PTPRN2: variants seen among roughly 807,000 people sequenced by gnomAD.
PTPRN2 encodes receptor-type tyrosine-protein phosphatase N2.
A neutral mutation model predicts 118.8 loss-of-function variants in PTPRN2; 74 were observed. The observed-to-expected ratio is 0.62, with a 90% CI of 0.52 to 0.76. The LOEUF is 0.76. Ranked by LOEUF, PTPRN2 falls within the 30% of genes least tolerant of loss-of-function variation. The pLI is 0.00. For synonymous variants in PTPRN2, 641 were observed against 608.0 expected, an observed-to-expected ratio of 1.05 and a Z score of -0.80; for missense variants, 1,481 against 1,394.4, an observed-to-expected ratio of 1.06 and a Z score of -0.99.
chr7:157,768,283 CG>C (rs1802602116), intron 12 of PTPRN2, among the ~76,000 whole-genome samples: 2 of 152,224 alleles, frequency 1.3e-5, no homozygotes, highest in African/African-American at 4.8e-5. Context: ...TTACAGTCAA[CG>C]GATCGTCCTC....
intron 4 of PTPRN2, among the ~76,000 whole-genome samples, chr7:158,203,976 T>G (rs1826887520): frequency 7.5e-6 from 1 of 133,982 alleles, no homozygotes; most frequent in African/African-American, 2.8e-5. Flanking sequence ...TCGCAGCCCC[T>G]AACCTCAGTG....
At chr7:158,467,872 T>C (rs1326545720) in intron 2 of PTPRN2, among the ~76,000 whole-genome samples, 1 of 152,200 alleles carries the variant, frequency 6.6e-6, no homozygotes, top group Non-Finnish European at 1.5e-5. Context: ...GAAGGCCCTG[T>C]TGATGTTTCT....
chr7:158,551,364 G>A (rs117032524), intron 1 of PTPRN2, among the ~76,000 whole-genome samples: 6,596 of 152,286 alleles, frequency 0.043, 203 homozygotes, highest in Non-Finnish European at 0.063. Flanking sequence ...TCAGGGTGGG[G>A]CTCTAACACA....
At chr7:157,624,052 A>G (rs1803421477) in intron 14 of PTPRN2, among the ~76,000 whole-genome samples, 1 of 152,210 alleles carries the variant, frequency 6.6e-6, no homozygotes, top group Non-Finnish European at 1.5e-5. Flanking sequence ...AAGCAAAACC[A>G]AAAGGTACCA....
chr7:158,391,420 C>T (rs1037824643), intron 2 of PTPRN2, among the ~76,000 whole-genome samples: 21 of 152,228 alleles, frequency 1.4e-4, no homozygotes, highest in Admixed American at 1.2e-3. Flanking sequence ...ATCTCTCCTT[C>T]GGACGCTGAC....
At chr7:158,171,511 G>A (rs190150020) in intron 5 of PTPRN2, among the ~76,000 whole-genome samples, 342 of 151,724 alleles carry the variant, frequency 2.3e-3, no homozygotes, top group African/African-American at 7.7e-3. Flanking sequence ...ACCAGGCCCA[G>A]CTAACTTTTC....
At chr7:158,070,547 G>A in intron 11 of PTPRN2, among the ~76,000 whole-genome samples, 1 of 131,822 alleles carries the variant, frequency 7.6e-6, no homozygotes, top group East Asian at 2.2e-4. Context: ...CCTGGTGGTG[G>A]AGGTGCCCAT....
At chr7:158,095,379 G>C (rs1177564917) in intron 10 of PTPRN2, among the ~76,000 whole-genome samples, 1 of 151,832 alleles carries the variant, frequency 6.6e-6, no homozygotes, top group Non-Finnish European at 1.5e-5. Context: ...TCTTGGCTTA[G>C]ACATTTTATT....
chr7:157,569,061 G>GGGGGCC, intron 20 of PTPRN2, 95 bp from the exon 21 acceptor site: 1 of 1,199,528 alleles, frequency 8.3e-7, no homozygotes, highest in Admixed American at 1.7e-5. Flanking sequence ...TCCTGCTTAC[G>GGGGGCC]GGGGCCGGCG....
chr7:157,958,513 A>G lies in PTPRN2; in HGVS notation c.1724-59776T>C, dbSNP rs141538487. 3.4e-4 allele frequency among the ~76,000 whole-genome samples: 52 copies of G among 152,356 alleles called. No individual in the cohort carries two copies. In the East Asian group the frequency reaches 0.01, roughly 29 times the overall value. On this transcript the variant is annotated intron_variant, in intron 11 of 22. Transcript: ENST00000389418. The stretch of plus-strand genomic sequence containing the variant: ...AGGTAGAAAATCATAAAGATTTTAC[A>G]CAAGAGATCTGTTAGAACTTAATAG...
chr7:157,828,958 T>C (rs953568207), intron 12 of PTPRN2, among the ~76,000 whole-genome samples: 1 of 152,234 alleles, frequency 6.6e-6, no homozygotes, highest in South Asian at 2.1e-4. Context: ...TCTTTATGCA[T>C]CATGGTTTTT....
intron 2 of PTPRN2, among the ~76,000 whole-genome samples, chr7:158,449,791 G>A (rs192227823): frequency 3.9e-5 from 6 of 152,262 alleles, no homozygotes; most frequent in African/African-American, 7.2e-5. Context: ...ATTCACAATC[G>A]CATAATCCCT....
rs763963977 is a variant in PTPRN2, at chr7:158,133,850, C to T, written c.1383G>A (p.Pro461=). 19 of 1,613,788 alleles carry T rather than the reference C, an allele frequency of 1.2e-5. No homozygotes were observed. Among genetic ancestry groups the T allele is most frequent in the Admixed American group, 3.3e-5 (2 of 60,014 alleles). Reference sequence around the variant, plus strand: ...ACGCAGCGGCCCCGGGCTCCGAATGCGGCTGCTGCCCCAGCAGATCTTTGG... The same window carrying T: ...ACGCAGCGGCCCCGGGCTCCGAATGTGGCTGCTGCCCCAGCAGATCTTTGG... The part of the protein sequence containing the change: ...TYSKDLLGQQ[P]HSEPGAAAFG... Residue 461 remains proline, a synonymous_variant, in exon 9 of 23, where the codon CCG becomes CCA. Coordinates refer to ENST00000389418, the MANE Select transcript of PTPRN2 (RefSeq NM_002847.5).
rs182666411 is a variant in PTPRN2, at chr7:158,241,881, T to C, written c.278-36608A>G. Among the ~76,000 whole-genome samples the C allele has an allele frequency of 3.1e-3, 474 of 152,298 alleles. 3 individuals carry two copies. Among genetic ancestry groups the C allele is most frequent in the South Asian group, 0.025 (121 of 4,822 alleles). ...GAATGTTCCCACAAAGTGCATATGG[T>C]CCTGGAGAAGGGAGACCACAGCTCT... On this transcript the variant is annotated intron_variant, in intron 3 of 22. Transcript: ENST00000389418.
chr7:158,329,211 G>A (rs1160361127), intron 2 of PTPRN2, among the ~76,000 whole-genome samples: 4 of 152,232 alleles, frequency 2.6e-5, no homozygotes, highest in Admixed American at 2.6e-4. Flanking sequence ...GGGGAAGCGT[G>A]GCGGGTGGGA....
intron 11 of PTPRN2, among the ~76,000 whole-genome samples, chr7:157,972,245 C>T (rs1227754872): frequency 1.3e-5 from 2 of 152,240 alleles, no homozygotes; most frequent in African/African-American, 2.4e-5. Context: ...TCAAAACTCA[C>T]GTCAGTCATT....
chr7:158,447,156 A>G (rs982281513), intron 2 of PTPRN2, among the ~76,000 whole-genome samples: 1 of 152,198 alleles, frequency 6.6e-6, no homozygotes, highest in Non-Finnish European at 1.5e-5. Flanking sequence ...GGACAGAGCC[A>G]TGAATCCACA....
At chr7:157,702,311 C>T (rs889150099) in intron 12 of PTPRN2, among the ~76,000 whole-genome samples, 141 of 151,352 alleles carry the variant, frequency 9.3e-4, no homozygotes, top group African/African-American at 3.2e-3. Context: ...GTAACTGTTG[C>T]GGGCTCTGCC....
chr7:157,541,904 T>C (rs221257), intron 22 of PTPRN2, among the ~76,000 whole-genome samples: 74,645 of 152,084 alleles, frequency 0.49, 18,574 homozygotes, highest in South Asian at 0.65. Flanking sequence ...TCTGCCCTGA[T>C]GCTGACGGAA....
Sources: gnomAD v4.1 joint callset for allele counts (sites outside exome capture counted in the v4.1 genomes callset) on GRCh38, gnomAD v4.1.1 for gene constraint, MANE v1.5 for transcripts, NCBI Gene and HGNC (gene_info 2026-07-23, HGNC 2026-07-21) for gene names.